The following GALNT10 variants were observed in gnomAD, a reference collection of about 807,000 sequenced individuals.
The protein encoded by GALNT10 is polypeptide N-acetylgalactosaminyltransferase 10.
GALNT10 carries 41 observed loss-of-function variants against 75.0 expected under a neutral mutation model. That is an observed-to-expected ratio of 0.55 (90% CI 0.43 to 0.71). The LOEUF is 0.71. Ranked by LOEUF, GALNT10 falls within the 30% of genes least tolerant of loss-of-function variation. The pLI is 0.00. For missense variants in GALNT10, 727 were observed against 818.5 expected, an observed-to-expected ratio of 0.89 and a Z score of 1.36; for synonymous variants, 302 against 313.0, an observed-to-expected ratio of 0.96 and a Z score of 0.37.
chr5:154,292,358 T>C (rs1754206572), intron 1 of GALNT10, among the ~76,000 whole-genome samples: 1 of 152,216 alleles, frequency 6.6e-6, no homozygotes, highest in Non-Finnish European at 1.5e-5. Context: ...GTGGCACCCA[T>C]CCTGTCCTCT....
chr5:154,296,737 C>G (rs1256861228), intron 2 of GALNT10, among the ~76,000 whole-genome samples: 1 of 152,208 alleles, frequency 6.6e-6, no homozygotes, highest in Non-Finnish European at 1.5e-5. Context: ...AGGGCCTGAA[C>G]TCTGCATTGG....
intron 1 of GALNT10, among the ~76,000 whole-genome samples, chr5:154,279,697 C>T (rs962381037): frequency 3.3e-5 from 5 of 152,116 alleles, no homozygotes; most frequent in Non-Finnish European, 7.4e-5. Context: ...CCTCCCATCT[C>T]ATCCTCCCAA....
chr5:154,287,471 T>A (rs1754128448), intron 1 of GALNT10: 1 of 152,162 alleles, frequency 6.6e-6, no homozygotes, highest in East Asian at 1.9e-4. Flanking sequence ...CAGGTTCCTG[T>A]CAAAGACTCT....
intron 7 of GALNT10, among the ~76,000 whole-genome samples, chr5:154,403,351 A>G (rs960082974): frequency 7.2e-5 from 11 of 152,140 alleles, no homozygotes; most frequent in Admixed American, 3.3e-4. Flanking sequence ...CCAAGTTGCT[A>G]TCAGACCAGT....
At chr5:154,286,389 T>G (rs61193093) in intron 1 of GALNT10, among the ~76,000 whole-genome samples, 1,683 of 151,312 alleles carry the variant, frequency 0.011, 29 homozygotes, top group African/African-American at 0.033. Flanking sequence ...CGATTTGTTT[T>G]TTTTTTTTTT....
intron 3 of GALNT10, 181 bp from the exon 4 acceptor site, chr5:154,329,391 A>G (rs1754806830): frequency 3.3e-6 from 2 of 602,114 alleles, no homozygotes; most frequent in Non-Finnish European, 6.0e-6. Flanking sequence ...CAGAGATTGG[A>G]GGTAGGACTT....
chr5:154,257,507 A>T (rs1168511721), intron 1 of GALNT10, among the ~76,000 whole-genome samples: 1 of 152,120 alleles, frequency 6.6e-6, no homozygotes, highest in Non-Finnish European at 1.5e-5. Flanking sequence ...GGAAAAGGGA[A>T]TTTATTGGCT....
intron 7 of GALNT10, 142 bp from the exon 8 acceptor site, chr5:154,403,962 C>A: frequency 1.4e-6 from 1 of 730,938 alleles, no homozygotes; most frequent in South Asian, 1.5e-5. Context: ...CTGTGTTTTC[C>A]CATGTCATTA....
chr5:154,409,491 G>A lies in GALNT10; in HGVS notation c.1165-50G>A, dbSNP rs1213198298. 1 of 1,241,104 alleles carries A rather than the reference G, an allele frequency of 8.1e-7. No individual in the cohort carries two copies. Among genetic ancestry groups the A allele is most frequent in the East Asian group, 2.3e-5 (1 of 43,196 alleles). The allele number at this position is 1,241,104 out of a possible 1,614,324, so 76.9% of individuals were successfully genotyped here. A position where few individuals can be genotyped will look rare whatever the true frequency, so the allele number is the denominator to read the frequency against. On this transcript the variant is annotated intron_variant, in intron 8 of 11. Transcript: ENST00000297107. The surrounding 1 kb of genome is among the most constrained non-coding windows in gnomAD (Gnocchi z 4.5). Reference sequence around the variant, plus strand: ...AGGACCCTTTTCACCCCACTGCCTGGCTTTGGCTTCTTGGAAAGACTGACC... The same window carrying A: ...AGGACCCTTTTCACCCCACTGCCTGACTTTGGCTTCTTGGAAAGACTGACC...
In GALNT10 at chr5:154,347,403, A is replaced by G. The variant is rs543885031; in HGVS notation, c.568+17665A>G. The stretch of plus-strand genomic sequence containing the variant: ...TTTTTAGACAGGATCTTGCTCTGTC[A>G]TTCAGGTTGAAGTGCAATGATGCAA... On this transcript the variant is annotated intron_variant, in intron 4 of 11. Transcript: ENST00000297107. Among the ~76,000 whole-genome samples the G allele has an allele frequency of 1.8e-4, 28 of 151,352 alleles. No individual in the cohort carries two copies. The East Asian group carries it at 5.4e-3, about 29-fold the overall frequency.
chr5:154,347,332 G>T, intron 4 of GALNT10: 1 of 424,370 alleles, frequency 2.4e-6, no homozygotes. Flanking sequence ...ACTACTTCCT[G>T]TTACCTCCTA....
At chr5:154,400,514 T>A (rs1043924009) in intron 7 of GALNT10, among the ~76,000 whole-genome samples, 1 of 152,168 alleles carries the variant, frequency 6.6e-6, no homozygotes, top group African/African-American at 2.4e-5. Flanking sequence ...CTGGCCATCC[T>A]GGGTCACAGG....
chr5:154,307,472 T>G (rs1025002123), intron 3 of GALNT10, among the ~76,000 whole-genome samples: 1 of 151,740 alleles, frequency 6.6e-6, no homozygotes, highest in Non-Finnish European at 1.5e-5. Context: ...CACAAAAAAT[T>G]AGCCAGGCGT....
chr5:154,366,301 G>A (rs766503509), intron 4 of GALNT10, among the ~76,000 whole-genome samples: 2 of 152,136 alleles, frequency 1.3e-5, no homozygotes, highest in Non-Finnish European at 2.9e-5. Flanking sequence ...TGGGTGTTAG[G>A]CAGGTTATAC....
chr5:154,296,857 G>A (rs1360603768), intron 2 of GALNT10, among the ~76,000 whole-genome samples: 1 of 152,144 alleles, frequency 6.6e-6, no homozygotes, highest in Non-Finnish European at 1.5e-5. Context: ...AATCCATGAT[G>A]TCTTATGAAG....
chr5:154,373,157 G>A (rs1755600820), intron 4 of GALNT10, among the ~76,000 whole-genome samples: 2 of 152,154 alleles, frequency 1.3e-5, no homozygotes, highest in East Asian at 1.9e-4. Context: ...AGCTTTAGGT[G>A]TCCCTTCCAA....
intron 3 of GALNT10, among the ~76,000 whole-genome samples, chr5:154,315,650 C>T (rs1754585121): frequency 6.6e-6 from 1 of 152,184 alleles, no homozygotes; most frequent in Admixed American, 6.5e-5. Context: ...AATGGATTGG[C>T]GGCCCTGAGT....
chr5:154,261,583 A>T (rs898962117), intron 1 of GALNT10, among the ~76,000 whole-genome samples: 26 of 152,118 alleles, frequency 1.7e-4, no homozygotes, highest in Non-Finnish European at 2.1e-4. Flanking sequence ...TTTTATTCCT[A>T]CTACCGGAGG....
intron 4 of GALNT10, among the ~76,000 whole-genome samples, chr5:154,371,888 C>T (rs1755576839): frequency 6.6e-6 from 1 of 152,144 alleles, no homozygotes; most frequent in South Asian, 2.1e-4. Context: ...GAAGTTGTTA[C>T]ATCCTTCTCC....
Sources: gnomAD v4.1 joint callset for allele counts (sites outside exome capture counted in the v4.1 genomes callset) on GRCh38, gnomAD v4.1.1 for gene constraint, Gnocchi (gnomAD v3.1) non-coding constraint, MANE v1.5 for transcripts, NCBI Gene and HGNC (gene_info 2026-07-23, HGNC 2026-07-21) for gene names.